Variants in RSRC1 observed in about 807,000 individuals in gnomAD.
RSRC1 encodes arginine and serine rich coiled-coil 1.
In RSRC1, 39 loss-of-function variants were observed where a neutral mutation model predicts 49.1. That is an observed-to-expected ratio of 0.79 (90% CI 0.61 to 1.04). RSRC1 has a LOEUF of 1.04. Ranked by LOEUF, RSRC1 falls within the 50% of genes least tolerant of loss-of-function variation. RSRC1 has a pLI of 0.00. For synonymous variants in RSRC1, 143 were observed against 130.8 expected (o/e 1.09, Z -0.63); for missense variants, 388 against 402.4 (o/e 0.96, Z 0.31).
At chr3:158,139,381 G>A (rs1166721758) in intron 3 of RSRC1, among the ~76,000 whole-genome samples, 2 of 151,882 alleles carry the variant, frequency 1.3e-5, no homozygotes, top group African/African-American at 2.4e-5. Flanking sequence ...ACTCCAGTCC[G>A]GGCAACAGAG....
chr3:158,326,567 G>A (rs543831734), intron 5 of RSRC1, among the ~76,000 whole-genome samples: 6 of 151,998 alleles, frequency 3.9e-5, no homozygotes, highest in African/African-American at 7.2e-5. Flanking sequence ...GCCTTGCATC[G>A]TAGGGATGAA....
intron 7 of RSRC1, among the ~76,000 whole-genome samples, chr3:158,473,476 A>T (rs1380392020): frequency 6.6e-6 from 1 of 152,112 alleles, no homozygotes; most frequent in Non-Finnish European, 1.5e-5. Flanking sequence ...GAACACTTGG[A>T]CACAGGAAGG....
Position 158,304,631 on chromosome 3 carries a change from C to T in RSRC1, c.531+6556C>T, listed in dbSNP as rs535458281. 1.8e-4 allele frequency among the ~76,000 whole-genome samples: 28 copies of T among 152,174 alleles called. No individual in the cohort carries two copies. In the East Asian group the frequency reaches 3.1e-3, roughly 17 times the overall value. ...CTATATACTCAATAAATTTATTAAA[C>T]ACTGATTAAAAATATTTATTAGCTC... is the stretch of plus-strand genomic sequence containing the variant. On this transcript the variant is annotated intron_variant, in intron 5 of 9. Coordinates refer to ENST00000611884, the MANE Select transcript of RSRC1 (RefSeq NM_001271838.2).
At chr3:158,110,575 A>G (rs986742189) in intron 1 of RSRC1, 11 of 152,458 alleles carry the variant, frequency 7.2e-5, no homozygotes, top group African/African-American at 1.9e-4. Context: ...ATCTTGCAAT[A>G]TAAGCCTGGC....
chr3:158,461,787 A>T (rs572813224), intron 7 of RSRC1, among the ~76,000 whole-genome samples: 2 of 151,972 alleles, frequency 1.3e-5, no homozygotes, highest in Non-Finnish European at 2.9e-5. Context: ...TTGAAGTCTG[A>T]TAATATGTGC....
chr3:158,314,533 G>A (rs551036190), intron 5 of RSRC1, among the ~76,000 whole-genome samples: 36 of 152,116 alleles, frequency 2.4e-4, no homozygotes, highest in African/African-American at 8.4e-4. Flanking sequence ...TTTAGCAGGT[G>A]TCAAGTAGTC....
At chr3:158,340,240 A>G (rs1393020013) in intron 5 of RSRC1, among the ~76,000 whole-genome samples, 1 of 151,616 alleles carries the variant, frequency 6.6e-6, no homozygotes, top group Non-Finnish European at 1.5e-5. Flanking sequence ...CTTCCTCCTC[A>G]TTTTTCTCTT....
chr3:158,118,518 C>T (rs1265288030), intron 1 of RSRC1, among the ~76,000 whole-genome samples: 2 of 150,692 alleles, frequency 1.3e-5, no homozygotes, highest in Non-Finnish European at 2.9e-5. Flanking sequence ...AGCTATCTGT[C>T]CTATTCTCCA....
At chr3:158,464,977 A>G (rs560637625) in intron 7 of RSRC1, among the ~76,000 whole-genome samples, 1 of 152,078 alleles carries the variant, frequency 6.6e-6, no homozygotes, top group Admixed American at 6.6e-5. Flanking sequence ...AAAATAATAT[A>G]ATTCTCTCTC....
chr3:158,188,316 A>C (rs1210114671), intron 3 of RSRC1, among the ~76,000 whole-genome samples: 2 of 152,110 alleles, frequency 1.3e-5, no homozygotes, highest in Non-Finnish European at 1.5e-5. Context: ...ATTAGAACTC[A>C]TCAGAACATC....
At chr3:158,347,268 T>C (rs1730605410) in intron 5 of RSRC1, among the ~76,000 whole-genome samples, 1 of 152,190 alleles carries the variant, frequency 6.6e-6, no homozygotes, top group South Asian at 2.1e-4. Flanking sequence ...ATAGAAGACA[T>C]AGTTTATAAA....
intron 5 of RSRC1, among the ~76,000 whole-genome samples, chr3:158,334,754 C>T (rs1228381625): frequency 4.6e-5 from 7 of 151,542 alleles, no homozygotes; most frequent in African/African-American, 1.5e-4. Context: ...CTCCTGACCT[C>T]GTGATCTGCC....
intron 6 of RSRC1, among the ~76,000 whole-genome samples, chr3:158,413,795 A>C (rs1441912025): frequency 1.3e-5 from 2 of 152,216 alleles, no homozygotes; most frequent in Non-Finnish European, 2.9e-5. Flanking sequence ...ATACCATCTC[A>C]TGCCAATCAA....
intron 6 of RSRC1, among the ~76,000 whole-genome samples, chr3:158,384,530 T>G (rs1227196429): frequency 3.3e-5 from 5 of 152,060 alleles, no homozygotes; most frequent in Non-Finnish European, 5.9e-5. Flanking sequence ...GGGCTATTAA[T>G]AAAGGTTTGG....
intron 7 of RSRC1, among the ~76,000 whole-genome samples, chr3:158,462,633 T>G (rs377208541): frequency 1.3e-5 from 2 of 152,110 alleles, no homozygotes; most frequent in South Asian, 2.1e-4. Context: ...AAAGAAACTT[T>G]TTTAATACTT....
At chr3:158,403,419 C>T (rs1733993594) in intron 6 of RSRC1, among the ~76,000 whole-genome samples, 1 of 151,680 alleles carries the variant, frequency 6.6e-6, no homozygotes, top group South Asian at 2.1e-4. Context: ...AGAAATTACT[C>T]TCCATAGTAT....
intron 6 of RSRC1, among the ~76,000 whole-genome samples, chr3:158,379,681 C>T (rs1193352249): frequency 6.6e-6 from 1 of 152,042 alleles, no homozygotes; most frequent in Non-Finnish European, 1.5e-5. Flanking sequence ...CTGCCTATTC[C>T]TTCTGCCTGG....
intron 3 of RSRC1, among the ~76,000 whole-genome samples, chr3:158,170,882 CTCTT>C (rs1224087899): frequency 2.0e-5 from 3 of 152,120 alleles, no homozygotes; most frequent in African/African-American, 7.2e-5. Context: ...TTTTTCCTCT[CTCTT>C]TTCTTTCTCT....
rs1002990268 is a variant in RSRC1 at position 158,521,519 on chromosome 3, C to A, written c.653-15573C>A. Among the ~76,000 whole-genome samples the A allele has an allele frequency of 2.0e-5, 3 of 152,228 alleles. No individual in the cohort carries two copies. The South Asian group carries it at 6.2e-4, about 32-fold the overall frequency. On this transcript the variant is annotated intron_variant, in intron 7 of 9. Coordinates refer to ENST00000611884, the MANE Select transcript of RSRC1 (RefSeq NM_001271838.2). The stretch of plus-strand genomic sequence containing the variant: ...ACTCACCTCTGCTGAAATGCCACCT[C>A]TGCCCAGAGATCATATTTGCACTTT...
Sources: gnomAD v4.1 joint callset for allele counts (sites outside exome capture counted in the v4.1 genomes callset) on GRCh38, gnomAD v4.1.1 for gene constraint, MANE v1.5 for transcripts, NCBI Gene and HGNC (gene_info 2026-07-23, HGNC 2026-07-21) for gene names.